The following SAMD4A variants were observed in gnomAD, a reference collection of about 807,000 sequenced individuals.
The protein encoded by SAMD4A is sterile alpha motif domain containing 4A.
SAMD4A carries 33 observed loss-of-function variants against 81.3 expected under a neutral mutation model. The observed-to-expected ratio is 0.41, with a 90% CI of 0.31 to 0.54. The LOEUF is 0.54. Among genes scored for constraint, SAMD4A ranks in the 20% least tolerant of loss-of-function variants. SAMD4A has a pLI of 0.37. For missense variants in SAMD4A, 854 were observed against 951.1 expected, an observed-to-expected ratio of 0.90 and a Z score of 1.34; for synonymous variants, 389 against 382.1, an observed-to-expected ratio of 1.02 and a Z score of -0.21.
chr14:54,652,789 C>T (rs1400617177), intron 2 of SAMD4A: 3 of 152,118 alleles, frequency 2.0e-5, no homozygotes, highest in African/African-American at 7.2e-5. Context: ...TACTTAATCT[C>T]GGACTCTTCA....
At position 54,694,695 on chromosome 14, in the gene SAMD4A, C is replaced by T. The variant is rs1251347555; in HGVS notation, c.197-7367C>T. 8 of 985,276 alleles carry T rather than the reference C, an allele frequency of 8.1e-6. No homozygotes were observed. In the African/African-American group the frequency reaches 1.4e-4, roughly 17 times the overall value. The allele number at this position is 985,276 out of a possible 1,614,324, so 61.0% of individuals were successfully genotyped here. On this transcript the variant is annotated intron_variant, in intron 2 of 12. Coordinates refer to ENST00000554335, the MANE Select transcript of SAMD4A (RefSeq NM_015589.6). ...GGTTTTTGTGCCCTCTGGGAATGGC[C>T]AGCCTCAGACCTCCTGACTGGTCAT... is the stretch of plus-strand genomic sequence containing the variant.
At chr14:54,783,270 G>A (rs2039048232) in intron 11 of SAMD4A, among the ~76,000 whole-genome samples, 1 of 152,188 alleles carries the variant, frequency 6.6e-6, no homozygotes. Flanking sequence ...GAGGCAGAAG[G>A]CCAGGGCTGG....
Position 54,789,588 on chromosome 14 carries a change from G to A in SAMD4A, c.*644G>A, listed in dbSNP as rs1387431279. ...AATAATTTTAAAGGGTACATAATGTGTAAAGAGTTTGGATAGAACCTCTCT... is the reference window on the plus strand; with the variant it reads ...AATAATTTTAAAGGGTACATAATGTATAAAGAGTTTGGATAGAACCTCTCT... On this transcript the variant is annotated 3_prime_UTR_variant, in exon 13 of 13. Transcript: ENST00000554335. The A allele has an allele frequency of 6.6e-6, 1 of 152,392 alleles. No homozygotes were observed. The highest frequency in any genetic ancestry group is 2.4e-5 in the African/African-American group (1 of 41,466). The allele number at this position is 152,392 out of a possible 1,614,324, so 9.4% of individuals were successfully genotyped here. A position where few individuals can be genotyped will look rare whatever the true frequency, so the allele number is the denominator to read the frequency against.
At chr14:54,610,112 G>A (rs1178512372) in intron 2 of SAMD4A, among the ~76,000 whole-genome samples, 1 of 152,070 alleles carries the variant, frequency 6.6e-6, no homozygotes, top group African/African-American at 2.4e-5. Flanking sequence ...ATATGACCCT[G>A]CTTTTCCAGA....
intron 2 of SAMD4A, among the ~76,000 whole-genome samples, chr14:54,575,163 G>A (rs1238036622): frequency 6.6e-6 from 1 of 152,142 alleles, no homozygotes; most frequent in African/African-American, 2.4e-5. Flanking sequence ...TCCTAGGAGA[G>A]CAGTTTGGAA....
rs567818545 is a variant in SAMD4A, at chr14:54,641,989, G to T, written c.197-60073G>T. Among the ~76,000 whole-genome samples, 27 of 152,192 alleles carry T rather than the reference G, an allele frequency of 1.8e-4. No homozygotes were observed. The South Asian group carries it at 4.8e-3, about 27-fold the overall frequency. On this transcript the variant is annotated intron_variant, in intron 2 of 12. Transcript: ENST00000554335. The stretch of plus-strand genomic sequence containing the variant: ...ATTTTTGTATTTTTAGTAGAGAAAG[G>T]GTTTCACCATGTTGGCCAGGCTGGT...
chr14:54,613,811 G>T (rs572561484), intron 2 of SAMD4A, among the ~76,000 whole-genome samples: 2 of 152,300 alleles, frequency 1.3e-5, no homozygotes, highest in African/African-American at 4.8e-5. Flanking sequence ...GGTCCCTAAG[G>T]TCCTTTCAGA....
chr14:54,647,932 A>G (rs2035320102), intron 2 of SAMD4A, among the ~76,000 whole-genome samples: 1 of 152,210 alleles, frequency 6.6e-6, no homozygotes, highest in African/African-American at 2.4e-5. Flanking sequence ...GAGTTGATAA[A>G]TGTATGGGGG....
chr14:54,692,066 C>T (rs575461462), intron 2 of SAMD4A, among the ~76,000 whole-genome samples: 2 of 152,344 alleles, frequency 1.3e-5, no homozygotes, highest in East Asian at 3.9e-4. Context: ...CACACCACAC[C>T]ACAGGGCTCT....
intron 2 of SAMD4A, among the ~76,000 whole-genome samples, chr14:54,685,091 C>G (rs1490633344): frequency 6.6e-6 from 1 of 151,826 alleles, no homozygotes; most frequent in Non-Finnish European, 1.5e-5. Context: ...GTAGATTTAT[C>G]TTTTTGTATT....
intron 2 of SAMD4A, among the ~76,000 whole-genome samples, chr14:54,609,404 C>A (rs1411727930): frequency 6.6e-6 from 1 of 152,198 alleles, no homozygotes; most frequent in Non-Finnish European, 1.5e-5. Context: ...TGATCTTAGT[C>A]CAGTGAGACC....
At chr14:54,763,880 G>A (rs1340456123) in intron 7 of SAMD4A, among the ~76,000 whole-genome samples, 1 of 152,174 alleles carries the variant, frequency 6.6e-6, no homozygotes, top group Non-Finnish European at 1.5e-5. Context: ...GTGTAGGTGA[G>A]CCTGCGCCTG....
At chr14:54,763,487 C>A (rs1212650988) in intron 7 of SAMD4A, among the ~76,000 whole-genome samples, 2 of 152,028 alleles carry the variant, frequency 1.3e-5, no homozygotes, top group African/African-American at 4.8e-5. Flanking sequence ...AACAAAGTCC[C>A]AATTAATAGG....
At chr14:54,683,606 G>A (rs969260790) in intron 2 of SAMD4A, among the ~76,000 whole-genome samples, 5 of 152,320 alleles carry the variant, frequency 3.3e-5, no homozygotes, top group African/African-American at 7.2e-5. Context: ...ATCAGAAAAT[G>A]TAGATTCCTT....
upstream of SAMD4A, among the ~76,000 whole-genome samples, chr14:54,566,606 G>T (rs1184777068): frequency 6.6e-6 from 1 of 151,756 alleles, no homozygotes; most frequent in Non-Finnish European, 1.5e-5. Context: ...GCTGGCCGAA[G>T]GGAGCAGCGC....
At chr14:54,747,837 G>A (rs2038004693) in intron 4 of SAMD4A, among the ~76,000 whole-genome samples, 1 of 152,204 alleles carries the variant, frequency 6.6e-6, no homozygotes, top group Admixed American at 6.5e-5. Context: ...ATCTAGGGAT[G>A]AGGGAAGATG....
At chr14:54,660,951 C>T (rs2035630689) in intron 2 of SAMD4A, among the ~76,000 whole-genome samples, 1 of 152,214 alleles carries the variant, frequency 6.6e-6, no homozygotes, top group East Asian at 1.9e-4. Context: ...ACTATTCAGG[C>T]ATCTTTTTAG....
chr14:54,781,147 T>C (rs1246243653), intron 11 of SAMD4A, among the ~76,000 whole-genome samples: 1 of 152,190 alleles, frequency 6.6e-6, no homozygotes, highest in Non-Finnish European at 1.5e-5. Flanking sequence ...TCCGCTGTCA[T>C]TGGCAAAACG....
intron 2 of SAMD4A, among the ~76,000 whole-genome samples, chr14:54,680,037 G>A (rs757610046): frequency 1.2e-4 from 19 of 152,180 alleles, no homozygotes; most frequent in Non-Finnish European, 2.9e-5. Flanking sequence ...TCCTACCGGG[G>A]CCACACTCCC....
Sources: allele counts gnomAD v4.1 joint callset (sites outside exome capture counted in the v4.1 genomes callset), GRCh38; gene constraint gnomAD v4.1.1; transcripts MANE v1.5; gene names NCBI Gene and HGNC (gene_info 2026-07-23, HGNC 2026-07-21).